The following DTNBP1 variants were observed in gnomAD, a reference collection of about 807,000 sequenced individuals.
DTNBP1 encodes the protein dysbindin.
DTNBP1 carries 35 observed loss-of-function variants against 42.8 expected under a neutral mutation model. That is an observed-to-expected ratio of 0.82 (90% confidence interval 0.63 to 1.09). The LOEUF is 1.09. Ranked by LOEUF, DTNBP1 falls within the 50% of genes least tolerant of loss-of-function variation. The pLI is 0.00. For synonymous variants in DTNBP1, 171 were observed against 162.2 expected (o/e 1.05, Z -0.41); for missense variants, 457 against 424.2 (o/e 1.08, Z -0.68).
At chr6:15,643,386 A>C (rs1220375231) in intron 3 of DTNBP1, among the ~76,000 whole-genome samples, 1 of 152,234 alleles carries the variant, frequency 6.6e-6, no homozygotes, top group Non-Finnish European at 1.5e-5. Flanking sequence ...GGAATAATCC[A>C]GGAAAATTTC....
At chr6:15,584,412 G>A (rs1775970106) in intron 7 of DTNBP1, among the ~76,000 whole-genome samples, 1 of 151,936 alleles carries the variant, frequency 6.6e-6, no homozygotes, top group Non-Finnish European at 1.5e-5. Flanking sequence ...AAATGCCAAA[G>A]TTCTCACTGA....
chr6:15,657,327 G>A (rs1761342774), intron 1 of DTNBP1, among the ~76,000 whole-genome samples: 2 of 152,114 alleles, frequency 1.3e-5, no homozygotes, highest in Non-Finnish European at 2.9e-5. Flanking sequence ...ATTCTTTAAT[G>A]CTGGTATATG....
At chr6:15,569,645 G>A (rs538947480) in intron 7 of DTNBP1, among the ~76,000 whole-genome samples, 50 of 152,264 alleles carry the variant, frequency 3.3e-4, no homozygotes, top group African/African-American at 1.1e-3. Context: ...GGGTCACACC[G>A]GCTTCTGCTA....
intron 7 of DTNBP1, among the ~76,000 whole-genome samples, chr6:15,561,120 C>A (rs1034429251): frequency 1.3e-5 from 2 of 152,246 alleles, no homozygotes; most frequent in East Asian, 1.9e-4. Flanking sequence ...TTTTTCCCTG[C>A]AATTTAGACT....
chr6:15,660,415 C>T (rs1447282259), intron 1 of DTNBP1: 22 of 1,289,694 alleles, frequency 1.7e-5, no homozygotes, highest in Middle Eastern at 4.3e-4. Flanking sequence ...ACTAGAGGTC[C>T]GGGTCTACTG....
intron 7 of DTNBP1, 88 bp from the exon 8 acceptor site, chr6:15,533,483 A>G (rs1773014053): frequency 3.2e-6 from 5 of 1,586,364 alleles, no homozygotes; most frequent in Non-Finnish European, 4.3e-6. Context: ...CCACCCTCCA[A>G]GTGGATGGAG....
At chr6:15,644,954 C>G (rs1002076377) in intron 3 of DTNBP1, among the ~76,000 whole-genome samples, 7 of 146,072 alleles carry the variant, frequency 4.8e-5, no homozygotes, top group African/African-American at 1.8e-4. Flanking sequence ...AAATTGAGAC[C>G]AAAAAAAAAC....
At chr6:15,662,447 TG>T (rs1279377686) in intron 1 of DTNBP1, among the ~76,000 whole-genome samples, 1 of 152,188 alleles carries the variant, frequency 6.6e-6, no homozygotes, top group African/African-American at 2.4e-5. Flanking sequence ...CGCAGGCCAC[TG>T]TGCCGCGGGG....
chr6:15,523,747 T>TC, intron 9 of DTNBP1: 1 of 1,287,236 alleles, frequency 7.8e-7, no homozygotes, highest in Non-Finnish European at 1.0e-6. Flanking sequence ...TTCACGCTGG[T>TC]CTCCAGTATT....
At chr6:15,613,043 C>T (rs1278515862) in intron 6 of DTNBP1, among the ~76,000 whole-genome samples, 6 of 152,012 alleles carry the variant, frequency 3.9e-5, no homozygotes, top group Non-Finnish European at 7.4e-5. Context: ...CGTGATGGCT[C>T]ACGCCTGTAA....
rs193103018 is a variant in DTNBP1 at position 15,582,302 on chromosome 6, G to A, written c.511+10757C>T. ...CAGGTTTTGAGGGCAGACGTTCCTG[G>A]GTTTAAATCCCTGCTGAAATGCTTA... On this transcript the variant is annotated intron_variant, in intron 7 of 9. Coordinates refer to ENST00000344537, the MANE Select transcript of DTNBP1 (RefSeq NM_032122.5). Among the ~76,000 whole-genome samples, 3 of 152,210 alleles carry A rather than the reference G, an allele frequency of 2.0e-5. No individual in the cohort carries two copies. The East Asian group carries it at 5.8e-4, about 29-fold the overall frequency.
At chr6:15,604,417 C>T (rs114376326) in intron 6 of DTNBP1, among the ~76,000 whole-genome samples, 2,099 of 152,278 alleles carry the variant, frequency 0.014, 18 homozygotes, top group Non-Finnish European at 0.021. Context: ...TGCTCTCGAT[C>T]TTCTCTTTTG....
At chr6:15,597,671 C>G (rs1461511711) in intron 6 of DTNBP1, among the ~76,000 whole-genome samples, 3 of 152,118 alleles carry the variant, frequency 2.0e-5, no homozygotes, top group African/African-American at 7.2e-5. Flanking sequence ...TCTGTTCATA[C>G]AGGTATCGTC....
chr6:15,539,404 C>T (rs1365867281), intron 7 of DTNBP1, among the ~76,000 whole-genome samples: 1 of 152,240 alleles, frequency 6.6e-6, no homozygotes, highest in African/African-American at 2.4e-5. Context: ...GTCCTACACT[C>T]CTAGCGCCTC....
chr6:15,590,726 TG>T (rs897725993), intron 7 of DTNBP1, among the ~76,000 whole-genome samples: 83 of 152,310 alleles, frequency 5.4e-4, no homozygotes, highest in African/African-American at 2.0e-3. Flanking sequence ...GAACAACAAC[TG>T]GTTTCAATAA....
At chr6:15,597,716 TCC>T (rs1581376015) in intron 6 of DTNBP1, among the ~76,000 whole-genome samples, 1 of 152,246 alleles carries the variant, frequency 6.6e-6, no homozygotes, top group East Asian at 1.9e-4. Flanking sequence ...CTGCATCTCT[TCC>T]ATCCTGCATC....
intron 6 of DTNBP1, among the ~76,000 whole-genome samples, chr6:15,600,156 C>A (rs1353956875): frequency 6.6e-6 from 1 of 152,134 alleles, no homozygotes; most frequent in Non-Finnish European, 1.5e-5. Flanking sequence ...GCAGTCCATA[C>A]ACGCAGAGAA....
At chr6:15,641,418 T>G (rs183063512) in intron 3 of DTNBP1, among the ~76,000 whole-genome samples, 65 of 152,212 alleles carry the variant, frequency 4.3e-4, no homozygotes, top group Non-Finnish European at 8.5e-4. Context: ...TGGCAGAGAT[T>G]GACCCTCAAG....
intron 7 of DTNBP1, among the ~76,000 whole-genome samples, chr6:15,557,611 T>C (rs184993759): frequency 3.9e-5 from 6 of 152,256 alleles, no homozygotes; most frequent in East Asian, 1.9e-4. Flanking sequence ...AGTACACAAA[T>C]ACAAAGGTGA....
Sources: allele counts gnomAD v4.1 joint callset (sites outside exome capture counted in the v4.1 genomes callset), GRCh38; gene constraint gnomAD v4.1.1; transcripts MANE v1.5; gene names NCBI Gene and HGNC (gene_info 2026-07-23, HGNC 2026-07-21).